Variants in PRKCQ observed in about 807,000 individuals in gnomAD.
PRKCQ encodes the protein protein kinase C theta type.
In PRKCQ, 41 loss-of-function variants were observed where a neutral mutation model predicts 91.2. The ratio of observed to expected loss-of-function variants is 0.45; its 90% CI spans 0.35 to 0.58. PRKCQ has a LOEUF of 0.58. Among genes scored for constraint, PRKCQ ranks in the 20% least tolerant of loss-of-function variants. The probability of loss-of-function intolerance (pLI) is 0.00; values close to 1 mark genes in which losing one functional copy is unlikely to be tolerated. For missense variants in PRKCQ, 673 were observed against 896.5 expected (o/e 0.75, Z 3.18); for synonymous variants, 307 against 316.9 (o/e 0.97, Z 0.33).
chr10:6,462,773 AG>A (rs1835425987), intron 13 of PRKCQ, among the ~76,000 whole-genome samples: 1 of 152,118 alleles, frequency 6.6e-6, no homozygotes, highest in Non-Finnish European at 1.5e-5. Flanking sequence ...GGGAGGCCCA[AG>A]CAGGTGGATC....
chr10:6,558,703 G>T (rs937377517), intron 1 of PRKCQ, among the ~76,000 whole-genome samples: 3 of 152,224 alleles, frequency 2.0e-5, no homozygotes, highest in African/African-American at 7.2e-5. Flanking sequence ...TTGTGAGGAG[G>T]TGGTCACCGT....
the PRKCQ span, among the ~76,000 whole-genome samples, chr10:6,397,030 C>T: frequency 3.9e-5 from 6 of 152,118 alleles, no homozygotes; most frequent in Non-Finnish European, 8.8e-5. Context: ...TAATGACTAA[C>T]GATGTTGACC....
downstream of PRKCQ, among the ~76,000 whole-genome samples, chr10:6,426,887 C>G (rs1833138004): frequency 6.6e-6 from 1 of 152,210 alleles, no homozygotes; most frequent in Non-Finnish European, 1.5e-5. Flanking sequence ...AGGCCCCCGC[C>G]ACCACGCCTG....
At chr10:6,507,281 T>A (rs1322799879) in intron 4 of PRKCQ, among the ~76,000 whole-genome samples, 155 bp downstream of exon 4, 1 of 152,228 alleles carries the variant, frequency 6.6e-6, no homozygotes. Context: ...TCTTTTAAAG[T>A]CATGCCTGAG....
At position 6,497,241 on chromosome 10, in the gene PRKCQ, T is replaced by G. The variant is rs1259615627; in HGVS notation, c.553A>C (p.Lys185Gln). Reference sequence around the variant, plus strand: ...TTACGTCGGCACTGGTAGCCCTGTTTGTTCAGGCCCCTGTAATAAAGCACA... The same window carrying G: ...TTACGTCGGCACTGGTAGCCCTGTTGGTTCAGGCCCCTGTAATAAAGCACA... ...VCHEFVWGLN[K>Q]QGYQCRQCNA... Residue 185 changes from lysine to glutamine, a missense_variant, in exon 6 of 18, where the codon AAA becomes CAA. By Grantham distance (53) the Lys-to-Gln change is moderately conservative. Coordinates refer to ENST00000263125, the MANE Select transcript of PRKCQ (RefSeq NM_006257.5). This position sits in a 1 kb window ranked among gnomAD's most constrained non-coding sequence, Gnocchi z 4.5. 1 of 1,614,204 alleles carries G rather than the reference T, an allele frequency of 6.2e-7. No homozygotes were observed. Among genetic ancestry groups the G allele is most frequent in the Non-Finnish European group, 8.5e-7 (1 of 1,180,024 alleles).
chr10:6,526,530 T>C (rs1286820266), intron 1 of PRKCQ, among the ~76,000 whole-genome samples: 2 of 152,018 alleles, frequency 1.3e-5, no homozygotes, highest in African/African-American at 4.8e-5. Flanking sequence ...AGGGTCTCTG[T>C]GAAATGACGT....
intron 17 of PRKCQ, among the ~76,000 whole-genome samples, chr10:6,429,260 C>CAATTTT (rs1050101162): frequency 6.6e-6 from 1 of 152,146 alleles, no homozygotes; most frequent in African/African-American, 2.4e-5. Flanking sequence ...AATATTAAGT[C>CAATTTT]AATTTTAATC....
intron 1 of PRKCQ, among the ~76,000 whole-genome samples, chr10:6,528,710 A>G (rs921999617): frequency 1.3e-5 from 2 of 152,214 alleles, no homozygotes; most frequent in African/African-American, 4.8e-5. Flanking sequence ...TTTGGTGGCT[A>G]AGTGTCTCCA....
At chr10:6,532,666 A>G (rs555854760) in intron 1 of PRKCQ, among the ~76,000 whole-genome samples, 14 of 152,358 alleles carry the variant, frequency 9.2e-5, no homozygotes, top group African/African-American at 2.9e-4. Flanking sequence ...CTGCAATTTC[A>G]TTATTCTCCA....
At chr10:6,577,067 A>T (rs952863768) in intron 1 of PRKCQ, among the ~76,000 whole-genome samples, 4 of 152,182 alleles carry the variant, frequency 2.6e-5, no homozygotes, top group African/African-American at 9.7e-5. Flanking sequence ...TATTATAATT[A>T]ATACTATTAG....
the PRKCQ span, among the ~76,000 whole-genome samples, chr10:6,402,275 G>T: frequency 3.6e-3 from 529 of 148,416 alleles, no homozygotes; most frequent in Middle Eastern, 7.4e-3. Flanking sequence ...ACCATGGCAC[G>T]TGCATACCTA....
At chr10:6,505,471 CTCCT>C (rs149390731) in intron 4 of PRKCQ, among the ~76,000 whole-genome samples, 1,897 of 146,752 alleles carry the variant, frequency 0.013, 44 homozygotes, top group African/African-American at 0.044. Context: ...GACCCTTTTT[CTCCT>C]TCCTTCCTTC....
intron 8 of PRKCQ, among the ~76,000 whole-genome samples, chr10:6,486,465 A>G (rs368736375): frequency 0.011 from 1,596 of 151,698 alleles, 26 homozygotes; most frequent in African/African-American, 0.036. Context: ...CCATGGCAAC[A>G]CCCAGACGTT....
At chr10:6,574,350 C>G (rs1013594888) in intron 1 of PRKCQ, among the ~76,000 whole-genome samples, 2 of 152,182 alleles carry the variant, frequency 1.3e-5, no homozygotes, top group Non-Finnish European at 2.9e-5. Flanking sequence ...TCCTCCTGTT[C>G]TTAGAAAAGG....
intron 12 of PRKCQ, among the ~76,000 whole-genome samples, chr10:6,467,375 C>CAGAG (rs1564324243): frequency 8.7e-5 from 4 of 46,216 alleles, no homozygotes; most frequent in Non-Finnish European, 1.3e-4. Flanking sequence ...GAGAGAGAGA[C>CAGAG]AGAGAGAGAC....
At chr10:6,461,328 G>C (rs187434188) in intron 14 of PRKCQ, among the ~76,000 whole-genome samples, 1 of 152,006 alleles carries the variant, frequency 6.6e-6, no homozygotes, top group African/African-American at 2.4e-5. Context: ...TCAGTGCCTA[G>C]GTACAAAAAT....
chr10:6,547,949 T>C (rs890241485), intron 1 of PRKCQ, among the ~76,000 whole-genome samples: 2 of 149,560 alleles, frequency 1.3e-5, no homozygotes, highest in African/African-American at 4.9e-5. Context: ...ACAGGCAACC[T>C]ACAAAATGGG....
At chr10:6,395,054 G>GTTTT in the PRKCQ span, among the ~76,000 whole-genome samples, 2,448 of 129,428 alleles carry the variant, frequency 0.019, 81 homozygotes, top group Non-Finnish European at 0.028. Flanking sequence ...GGAAGCTGGA[G>GTTTT]TCTTTTTTTT....
At chr10:6,445,243 T>G (rs574410783) in intron 15 of PRKCQ, among the ~76,000 whole-genome samples, 1 of 150,032 alleles carries the variant, frequency 6.7e-6, no homozygotes, top group East Asian at 2.0e-4. Flanking sequence ...GGCAACCCCA[T>G]CCCTGACCCT....
Sources: allele counts gnomAD v4.1 joint callset (sites outside exome capture counted in the v4.1 genomes callset), GRCh38; gene constraint gnomAD v4.1.1; non-coding constraint Gnocchi (gnomAD v3.1); transcripts MANE v1.5; gene names NCBI Gene and HGNC (gene_info 2026-07-23, HGNC 2026-07-21).